ENTPD5: variants seen among roughly 807,000 people sequenced by gnomAD.
The protein encoded by ENTPD5 is ectonucleoside triphosphate diphosphohydrolase 5 (inactive), also known as nucleoside diphosphate phosphatase ENTPD5.
In ENTPD5, 49 loss-of-function variants were observed where a neutral mutation model predicts 60.2. That is an observed-to-expected ratio of 0.81 (90% CI 0.65 to 1.03). The LOEUF is 1.03. Ranked by LOEUF, ENTPD5 falls within the 50% of genes least tolerant of loss-of-function variation. ENTPD5 has a pLI of 0.00. For synonymous variants in ENTPD5, 187 were observed against 185.4 expected (o/e 1.01, Z -0.07); for missense variants, 480 against 507.6 (o/e 0.95, Z 0.52).
chr14:73,958,149 C>T (rs189840848), downstream of ENTPD5: 5 of 1,613,796 alleles, frequency 3.1e-6, no homozygotes, highest in Admixed American at 1.7e-5. Context: ...CTCCCCAGAC[C>T]GAGTGACGGT....
intron 2 of ENTPD5, among the ~76,000 whole-genome samples, chr14:74,013,807 G>A (rs529169111): frequency 6.6e-6 from 1 of 152,304 alleles, no homozygotes; most frequent in East Asian, 1.9e-4. Context: ...CAGACAGGCT[G>A]TTATACAGTT....
chr14:73,992,026 A>AT (rs202056669), intron 3 of ENTPD5, among the ~76,000 whole-genome samples: 9,152 of 150,906 alleles, frequency 0.061, 444 homozygotes, highest in South Asian at 0.26. Context: ...TATATATATA[A>AT]AATATTTTCA....
Position 73,983,074 on chromosome 14 carries a change from C to A in ENTPD5, c.385G>T (p.Ala129Ser), listed in dbSNP as rs2057757100. 3 of 1,614,044 alleles carry A rather than the reference C, an allele frequency of 1.9e-6. No individual in the cohort carries two copies. The South Asian group carries it at 3.3e-5, about 18-fold the overall frequency. The change falls in exon 6 of 16, where the codon GCA (alanine) becomes TCA (serine). Residue 129 changes from alanine (A) to serine (S), a missense_variant. By Grantham distance (99) the Ala-to-Ser change is moderately conservative (BLOSUM62 1). Coordinates refer to ENST00000334696, the MANE Select transcript of ENTPD5 (RefSeq NM_001249.5). Reference sequence around the variant, plus strand: ...GGCAGTAAGCGTAGTCCTGCTGTTGCCTTTAGGACCACTGGGGTCTTTTTC... The same window carrying A: ...GGCAGTAAGCGTAGTCCTGCTGTTGACTTTAGGACCACTGGGGTCTTTTTC... ...HWKKTPVVLK[A>S]TAGLRLLPEH... is the part of the protein sequence containing the mutation.
chr14:74,003,965 C>G (rs2058589785), intron 3 of ENTPD5, among the ~76,000 whole-genome samples: 1 of 151,390 alleles, frequency 6.6e-6, no homozygotes, highest in South Asian at 2.1e-4. Flanking sequence ...ATTAGCCAGG[C>G]ATGGCAGTGC....
chr14:73,955,897 T>C (rs1478746784), downstream of ENTPD5: 1 of 1,614,182 alleles, frequency 6.2e-7, no homozygotes, highest in East Asian at 2.2e-5. Context: ...TCATCATGCA[T>C]GCTCTCACTA....
chr14:74,006,535 G>A (rs1436862050), intron 3 of ENTPD5, among the ~76,000 whole-genome samples: 2 of 151,286 alleles, frequency 1.3e-5, no homozygotes, highest in South Asian at 2.1e-4. Flanking sequence ...CGCCCGCCTC[G>A]GCCTCCCAAA....
chr14:73,999,786 C>T (rs2058450233), intron 3 of ENTPD5, among the ~76,000 whole-genome samples: 1 of 149,838 alleles, frequency 6.7e-6, no homozygotes, highest in African/African-American at 2.5e-5. Context: ...GGCGAGACTC[C>T]GTCTCAAAAA....
intron 1 of ENTPD5, among the ~76,000 whole-genome samples, chr14:74,017,885 C>G (rs2059093100): frequency 8.4e-6 from 1 of 118,676 alleles, no homozygotes; most frequent in Non-Finnish European, 1.8e-5. Context: ...ACTCTTGTCT[C>G]AAAAAAAAGG....
At chr14:73,955,648 A>G, downstream of ENTPD5, 1 of 1,374,598 alleles carries the variant, frequency 7.3e-7, no homozygotes, top group South Asian at 1.2e-5. Context: ...GGGGAGAAGC[A>G]TTCCCAGGAG....
chr14:73,993,134 C>T (rs886156329), intron 3 of ENTPD5, among the ~76,000 whole-genome samples: 3 of 152,178 alleles, frequency 2.0e-5, no homozygotes, highest in South Asian at 4.1e-4. Flanking sequence ...GTCAGGAGTT[C>T]GAGACCAGCT....
In ENTPD5 at chr14:73,970,125, A is replaced by G. The variant is rs1594842640; in HGVS notation, c.1085T>C (p.Val362Ala). Residue 362 changes from valine to alanine, a missense_variant and splice_region_variant, in exon 15 of 16, where the codon GTG becomes GCG. Val to Ala is a moderately conservative substitution (Grantham distance 64). Coordinates refer to ENST00000334696, the MANE Select transcript of ENTPD5 (RefSeq NM_001249.5). ...GGTGAAGTTTTCCAAGTTATCACAC[A>G]CTGAAAGAGAGAGTAAACAGTGGAG... is the stretch of plus-strand genomic sequence containing the variant. ...VEDFERKAREVCDNLENFTSG... is the reference protein window; with the variant it reads ...VEDFERKAREACDNLENFTSG... 2 of 1,603,680 alleles carry G rather than the reference A, an allele frequency of 1.2e-6. No homozygotes were observed. Among genetic ancestry groups the G allele is most frequent in the Non-Finnish European group, 1.7e-6 (2 of 1,170,618 alleles).
chr14:74,010,922 A>T (rs984643797), intron 3 of ENTPD5, among the ~76,000 whole-genome samples, 169 bp downstream of exon 3: 2 of 152,206 alleles, frequency 1.3e-5, no homozygotes, highest in East Asian at 1.9e-4. Context: ...AACATAAGCA[A>T]ATGAAGACCT....
chr14:73,958,092 T>A, downstream of ENTPD5: 1 of 1,442,612 alleles, frequency 6.9e-7, no homozygotes, highest in Non-Finnish European at 9.8e-7. Flanking sequence ...GGCTTTTTCC[T>A]CAGCCTATGT....
intron 15 of ENTPD5, among the ~76,000 whole-genome samples, chr14:73,968,140 G>GA (rs1317484677): frequency 3.3e-5 from 5 of 151,854 alleles, no homozygotes; most frequent in African/African-American, 1.2e-4. Context: ...AAAAAGAAAA[G>GA]AAAAAAATAA....
intron 2 of ENTPD5, among the ~76,000 whole-genome samples, chr14:74,014,785 G>C: frequency 6.6e-6 from 1 of 152,098 alleles, no homozygotes. Context: ...AAAGCAGGAT[G>C]AAAGTAACTC....
intron 3 of ENTPD5, among the ~76,000 whole-genome samples, chr14:73,993,335 C>T (rs1211850942): frequency 4.6e-5 from 7 of 152,022 alleles, no homozygotes; most frequent in Non-Finnish European, 1.0e-4. Context: ...GACCCTGTCT[C>T]AATAAATAAA....
At chr14:73,995,302 C>A (rs931481018) in intron 3 of ENTPD5, among the ~76,000 whole-genome samples, 3 of 152,048 alleles carry the variant, frequency 2.0e-5, no homozygotes, top group Non-Finnish European at 4.4e-5. Context: ...CCCGCCTCAG[C>A]CTCCCAAAAT....
rs373799423 is a variant in ENTPD5, at chr14:73,993,929, A to C, written c.-70-5757T>G. Among the ~76,000 whole-genome samples the C allele has an allele frequency of 8.7e-3, 1,086 of 124,458 alleles. 15 individuals carry two copies. The highest frequency in any genetic ancestry group is 0.015 in the African/African-American group (610 of 39,640). 81.6% of individuals were successfully genotyped at this position (124,458 alleles called of 152,430 possible). ...CTGTTTTCACGAAAAAACAAACAAA[A>C]AAAAACAAACAAAAAACCCTGCAGA... is the stretch of plus-strand genomic sequence containing the variant. On this transcript the variant is annotated intron_variant, in intron 3 of 15. Transcript: ENST00000334696.
chr14:73,967,814 A>G (rs1434407780), intron 15 of ENTPD5, among the ~76,000 whole-genome samples: 12 of 150,868 alleles, frequency 8.0e-5, no homozygotes, highest in South Asian at 2.1e-4. Context: ...AAAAAAAAAA[A>G]AAAGAAAAAA....
Sources: allele counts gnomAD v4.1 joint callset (sites outside exome capture counted in the v4.1 genomes callset), GRCh38; gene constraint gnomAD v4.1.1; transcripts MANE v1.5; gene names NCBI Gene and HGNC (gene_info 2026-07-23, HGNC 2026-07-21).